The following DACH1 variants were observed in gnomAD, a reference collection of about 807,000 sequenced individuals.
The protein encoded by DACH1 is dachshund family transcription factor 1.
A neutral mutation model predicts 54.2 loss-of-function variants in DACH1; 12 were observed. The ratio of observed to expected loss-of-function variants is 0.22; its 90% confidence interval spans 0.14 to 0.36. DACH1 has a LOEUF of 0.36. Ranked by LOEUF, DACH1 falls within the 10% of genes least tolerant of loss-of-function variation. The pLI is 1.00. For missense variants in DACH1, 805 were observed against 929.8 expected (o/e 0.87, Z 1.75); for synonymous variants, 386 against 366.2 (o/e 1.05, Z -0.62).
intron 1 of DACH1, among the ~76,000 whole-genome samples, chr13:71,753,026 A>G (rs568828220): frequency 3.3e-5 from 5 of 152,312 alleles, no homozygotes; most frequent in African/African-American, 1.2e-4. Flanking sequence ...GCCAGAGAAG[A>G]GTTAAACCTA....
intron 4 of DACH1, among the ~76,000 whole-genome samples, chr13:71,563,814 A>G (rs1417210138): frequency 6.6e-6 from 1 of 151,622 alleles, no homozygotes; most frequent in Non-Finnish European, 1.5e-5. Context: ...CAAAGGATAC[A>G]AAAACAACAG....
chr13:71,697,681 T>C (rs1046898951), intron 1 of DACH1, among the ~76,000 whole-genome samples: 4 of 152,228 alleles, frequency 2.6e-5, no homozygotes, highest in African/African-American at 9.6e-5. Context: ...TTATATTATT[T>C]AGTCCAGGGT....
chr13:71,463,305 G>A (rs768219228), intron 10 of DACH1, among the ~76,000 whole-genome samples: 4 of 151,814 alleles, frequency 2.6e-5, no homozygotes, highest in Non-Finnish European at 2.9e-5. Context: ...TAGAGAAAAC[G>A]TCTTGAGAAA....
chr13:71,542,311 C>A (rs1477946452), intron 6 of DACH1, among the ~76,000 whole-genome samples: 2 of 151,780 alleles, frequency 1.3e-5, no homozygotes, highest in African/African-American at 4.8e-5. Flanking sequence ...AAATAAAAAA[C>A]AAAGTTCAAA....
chr13:71,782,108 C>G (rs896150690), intron 1 of DACH1, among the ~76,000 whole-genome samples: 1 of 152,158 alleles, frequency 6.6e-6, no homozygotes, highest in Non-Finnish European at 1.5e-5. Flanking sequence ...TCTCATCCTC[C>G]TATTCTGCAA....
intron 1 of DACH1, among the ~76,000 whole-genome samples, chr13:71,700,429 G>A (rs1386409588): frequency 5.3e-5 from 8 of 151,864 alleles, no homozygotes; most frequent in Non-Finnish European, 1.2e-4. Flanking sequence ...GGTGACGCAC[G>A]GCTGTATTCT....
chr13:71,756,619 A>G (rs1161907911), intron 1 of DACH1, among the ~76,000 whole-genome samples: 2 of 152,156 alleles, frequency 1.3e-5, no homozygotes, highest in South Asian at 2.1e-4. Context: ...AGGTCAAGAT[A>G]GATAGGGCAG....
intron 2 of DACH1, among the ~76,000 whole-genome samples, chr13:71,670,361 G>A (rs533180359): frequency 2.0e-5 from 3 of 152,198 alleles, no homozygotes; most frequent in South Asian, 4.1e-4. Context: ...TCAATTGAAA[G>A]CAATCTCCAT....
At chr13:71,447,532 T>C (rs1773985488) in intron 10 of DACH1, among the ~76,000 whole-genome samples, 1 of 152,114 alleles carries the variant, frequency 6.6e-6, no homozygotes, top group African/African-American at 2.4e-5. Context: ...CTAATGAAGT[T>C]TGTTTAATGC....
At chr13:71,585,507 C>T (rs1219961907) in intron 3 of DACH1, among the ~76,000 whole-genome samples, 1 of 152,134 alleles carries the variant, frequency 6.6e-6, no homozygotes, top group Non-Finnish European at 1.5e-5. Flanking sequence ...GCCCCATGTC[C>T]TCTCCACGGC....
intron 1 of DACH1, among the ~76,000 whole-genome samples, chr13:71,799,453 T>C (rs760491569): frequency 6.6e-6 from 1 of 152,148 alleles, no homozygotes; most frequent in African/African-American, 2.4e-5. Context: ...AAAAAAGTAA[T>C]TGGCTGGTGC....
chr13:71,734,948 C>G (rs1025602540), intron 1 of DACH1, among the ~76,000 whole-genome samples: 1 of 148,260 alleles, frequency 6.7e-6, no homozygotes, highest in Non-Finnish European at 1.5e-5. Flanking sequence ...TAAACACACA[C>G]ACACAGGATA....
At chr13:71,752,679 C>T (rs1884981251) in intron 1 of DACH1, among the ~76,000 whole-genome samples, 1 of 152,130 alleles carries the variant, frequency 6.6e-6, no homozygotes, top group Admixed American at 6.6e-5. Context: ...GAAAACATGA[C>T]ATTCTACTAA....
intron 1 of DACH1, among the ~76,000 whole-genome samples, chr13:71,738,362 A>G (rs1164284070): frequency 1.3e-5 from 2 of 152,206 alleles, no homozygotes; most frequent in East Asian, 1.9e-4. Flanking sequence ...AAAAAGATAC[A>G]TTTACAATAT....
intron 8 of DACH1, among the ~76,000 whole-genome samples, chr13:71,476,065 T>C (rs924151438): frequency 1.3e-5 from 2 of 152,146 alleles, no homozygotes; most frequent in African/African-American, 4.8e-5. Flanking sequence ...CTAGAACTAT[T>C]ACATTACAAG....
chr13:71,475,335 G>C, intron 9 of DACH1, 126 bp from the exon 10 acceptor site: 2 of 836,152 alleles, frequency 2.4e-6, no homozygotes, highest in South Asian at 1.6e-5. Flanking sequence ...ATCTTTTAAA[G>C]GTTGAACAAA....
chr13:71,620,589 C>T (rs1876156997), intron 3 of DACH1, among the ~76,000 whole-genome samples: 1 of 151,870 alleles, frequency 6.6e-6, no homozygotes, highest in Admixed American at 6.6e-5. Flanking sequence ...TTAATCAGCA[C>T]ATTATATTAA....
At chr13:71,644,252 G>A (rs970616018) in intron 2 of DACH1, among the ~76,000 whole-genome samples, 2 of 152,184 alleles carry the variant, frequency 1.3e-5, no homozygotes, top group African/African-American at 4.8e-5. Context: ...CATCAGAAAT[G>A]CTAGTAGCAA....
chr13:71,691,789 C>T (rs568089901), intron 1 of DACH1, among the ~76,000 whole-genome samples: 1 of 152,254 alleles, frequency 6.6e-6, no homozygotes, highest in South Asian at 2.1e-4. Flanking sequence ...CTATACCTTC[C>T]CTCAAGTAGC....
Sources: gnomAD v4.1 joint callset for allele counts (sites outside exome capture counted in the v4.1 genomes callset) on GRCh38, gnomAD v4.1.1 for gene constraint, MANE v1.5 for transcripts, NCBI Gene and HGNC (gene_info 2026-07-23, HGNC 2026-07-21) for gene names.